Variants in LRRC7 observed in about 807,000 individuals in gnomAD.
The protein encoded by LRRC7 is leucine rich repeat containing 7.
Under a neutral mutation model 175.7 loss-of-function variants are expected in LRRC7, and 23 were observed. That is an observed-to-expected ratio of 0.13 (90% CI 0.09 to 0.19). The LOEUF (loss-of-function observed/expected upper bound fraction) is 0.19. Ranked by LOEUF, LRRC7 falls within the 10% of genes least tolerant of loss-of-function variation. The probability of loss-of-function intolerance (pLI) is 1.00; values close to 1 mark genes in which losing one functional copy is unlikely to be tolerated. For synonymous variants in LRRC7, 685 were observed against 680.9 expected, an observed-to-expected ratio of 1.01 and a Z score of -0.09; for missense variants, 1,354 against 1,904.7, an observed-to-expected ratio of 0.71 and a Z score of 5.38.
intron 7 of LRRC7, among the ~76,000 whole-genome samples, chr1:69,915,580 A>G (rs1646661426): frequency 6.6e-6 from 1 of 152,116 alleles, no homozygotes; most frequent in African/African-American, 2.4e-5. Context: ...TTCACAACGA[A>G]CATTTGTATA....
intron 4 of LRRC7, among the ~76,000 whole-genome samples, chr1:69,804,694 A>G (rs950788487): frequency 6.6e-6 from 1 of 151,586 alleles, no homozygotes; most frequent in Non-Finnish European, 1.5e-5. Context: ...TAAATGCATC[A>G]GCTTTCTATG....
At chr1:69,687,039 T>C (rs1022513137) in intron 2 of LRRC7, among the ~76,000 whole-genome samples, 4 of 152,174 alleles carry the variant, frequency 2.6e-5, no homozygotes, top group Non-Finnish European at 5.9e-5. Context: ...GACTTAATAA[T>C]CATGAAATTG....
At chr1:69,916,680 C>G (rs1210369433) in intron 7 of LRRC7, among the ~76,000 whole-genome samples, 1 of 152,048 alleles carries the variant, frequency 6.6e-6, no homozygotes, top group East Asian at 1.9e-4. Flanking sequence ...ATTCCAGCTT[C>G]TTACTGGTAA....
At chr1:70,095,724 A>C (rs1349861762) in intron 25 of LRRC7, among the ~76,000 whole-genome samples, 2 of 152,200 alleles carry the variant, frequency 1.3e-5, no homozygotes, top group African/African-American at 4.8e-5. Context: ...AAATGTGAAA[A>C]AGTAAGGTCA....
chr1:70,060,752 G>A (rs1288367944), intron 23 of LRRC7, among the ~76,000 whole-genome samples: 2 of 152,176 alleles, frequency 1.3e-5, no homozygotes, highest in Non-Finnish European at 2.9e-5. Flanking sequence ...TAACCTCAAA[G>A]TCAAGAATAT....
intron 7 of LRRC7, among the ~76,000 whole-genome samples, chr1:69,910,090 C>T (rs911168548): frequency 1.3e-5 from 2 of 152,124 alleles, no homozygotes; most frequent in African/African-American, 2.4e-5. Context: ...GCATTCTTCA[C>T]GTAGTTCTCG....
intron 8 of LRRC7, among the ~76,000 whole-genome samples, chr1:69,971,799 A>T (rs968556104): frequency 2.6e-5 from 4 of 152,184 alleles, no homozygotes; most frequent in African/African-American, 9.6e-5. Context: ...ACCAAGAAAG[A>T]GCCCACATAG....
chr1:69,740,116 G>A (rs890324748), intron 2 of LRRC7, among the ~76,000 whole-genome samples: 22 of 152,186 alleles, frequency 1.4e-4, no homozygotes, highest in African/African-American at 5.3e-4. Flanking sequence ...GATTTACGAT[G>A]GCTCTACATA....
intron 1 of LRRC7, among the ~76,000 whole-genome samples, chr1:69,625,477 T>G (rs1337166862): frequency 6.8e-6 from 1 of 146,014 alleles, no homozygotes; most frequent in Non-Finnish European, 1.5e-5. Flanking sequence ...TATTAATTTA[T>G]TCTATTAAGT....
chr1:70,010,883 G>A lies in LRRC7; in HGVS notation c.1005-914G>A, dbSNP rs566367083. Among the ~76,000 whole-genome samples, 13 of 152,100 alleles carry A rather than the reference G, an allele frequency of 8.5e-5. No homozygotes were observed. The East Asian group carries it at 1.7e-3, about 20-fold the overall frequency. ...CTTTCTGTAGATCTGAAGTAAAGCCGGCTAAGTATGGACTGGTAGGGATTG... is the reference window on the plus strand; with the variant it reads ...CTTTCTGTAGATCTGAAGTAAAGCCAGCTAAGTATGGACTGGTAGGGATTG... On this transcript the variant is annotated intron_variant, in intron 11 of 26. Coordinates refer to ENST00000651989, the MANE Select transcript of LRRC7 (RefSeq NM_001370785.2).
intron 18 of LRRC7, among the ~76,000 whole-genome samples, chr1:70,029,466 G>C (rs1221102018): frequency 6.6e-6 from 1 of 151,820 alleles, no homozygotes; most frequent in Non-Finnish European, 1.5e-5. Flanking sequence ...ACCTACCCTA[G>C]AGGAGGGGAA....
At chr1:69,697,414 T>C (rs1662747489) in intron 2 of LRRC7, among the ~76,000 whole-genome samples, 1 of 152,240 alleles carries the variant, frequency 6.6e-6, no homozygotes, top group Non-Finnish European at 1.5e-5. Flanking sequence ...CTCTGTATAG[T>C]AAGCACTTGC....
At chr1:70,113,199 G>A (rs1665636282) in intron 26 of LRRC7, among the ~76,000 whole-genome samples, 2 of 152,184 alleles carry the variant, frequency 1.3e-5, no homozygotes, top group Non-Finnish European at 2.9e-5. Context: ...TTCCTTGTCT[G>A]AATGGAAATT....
intron 25 of LRRC7, among the ~76,000 whole-genome samples, chr1:70,104,282 AACATTTTC>A (rs1241535202): frequency 1.3e-5 from 2 of 152,248 alleles, no homozygotes; most frequent in Admixed American, 1.3e-4. Flanking sequence ...AAGCAGGGTC[AACATTTTC>A]ACATTTTCAC....
At chr1:69,729,901 C>G (rs1398895019) in intron 2 of LRRC7, among the ~76,000 whole-genome samples, 6 of 152,248 alleles carry the variant, frequency 3.9e-5, no homozygotes, top group Non-Finnish European at 8.8e-5. Context: ...CCTGGTCATC[C>G]AGGCCTTTTC....
intron 25 of LRRC7, among the ~76,000 whole-genome samples, chr1:70,099,681 C>T (rs1197066191): frequency 6.6e-6 from 1 of 152,066 alleles, no homozygotes; most frequent in Non-Finnish European, 1.5e-5. Context: ...ACCTGATTAT[C>T]AATACTATTT....
Position 69,575,062 on chromosome 1 carries a change from T to C in LRRC7, c.2+6421T>C, listed in dbSNP as rs1569599944. On this transcript the variant is annotated intron_variant, in intron 1 of 26. Transcript: ENST00000651989. ...ACACATATGCACACACAAACATAGCTGTAATCTTACTATTTCAGGAGTTTA... is the reference window on the plus strand; with the variant it reads ...ACACATATGCACACACAAACATAGCCGTAATCTTACTATTTCAGGAGTTTA... 2.6e-5 allele frequency among the ~76,000 whole-genome samples: 4 copies of C among 152,236 alleles called. No individual in the cohort carries two copies. The South Asian group carries it at 6.2e-4, about 24-fold the overall frequency.
chr1:69,772,795 A>G (rs1042277725), intron 3 of LRRC7, among the ~76,000 whole-genome samples: 2 of 152,168 alleles, frequency 1.3e-5, no homozygotes, highest in African/African-American at 4.8e-5. Context: ...GTTGCTATTG[A>G]TAGAGGAGGA....
At chr1:69,740,880 A>T (rs921331138) in intron 2 of LRRC7, among the ~76,000 whole-genome samples, 1 of 152,064 alleles carries the variant, frequency 6.6e-6, no homozygotes, top group Non-Finnish European at 1.5e-5. Flanking sequence ...TTTGAGGAAA[A>T]CATAACTCAG....
Sources: allele counts gnomAD v4.1 joint callset (sites outside exome capture counted in the v4.1 genomes callset), GRCh38; gene constraint gnomAD v4.1.1; transcripts MANE v1.5; gene names NCBI Gene and HGNC (gene_info 2026-07-23, HGNC 2026-07-21).